TBC1D22A: variants seen among roughly 807,000 people sequenced by gnomAD.
TBC1D22A encodes TBC1 domain family member 22A.
In TBC1D22A, 38 loss-of-function variants were observed where a neutral mutation model predicts 60.2. The ratio of observed to expected loss-of-function variants is 0.63; its 90% CI spans 0.49 to 0.83. The LOEUF (loss-of-function observed/expected upper bound fraction) is 0.83. Among genes scored for constraint, TBC1D22A ranks in the 40% least tolerant of loss-of-function variants. The pLI, the probability that TBC1D22A is intolerant of heterozygous loss-of-function variation, is 0.00. For synonymous variants in TBC1D22A, 302 were observed against 281.7 expected, an observed-to-expected ratio of 1.07 and a Z score of -0.72; for missense variants, 628 against 701.0, an observed-to-expected ratio of 0.90 and a Z score of 1.18.
At position 46,820,124 on chromosome 22, in the gene TBC1D22A, C is replaced by A. The variant is rs1335659923; in HGVS notation, c.637+22504C>A. ...TTTATCGTGTCTCTTTGATTCTTCT[C>A]TCCCTTTTTCTTTATTAGTCCAGCT... On this transcript the variant is annotated intron_variant, in intron 4 of 12. Coordinates refer to ENST00000337137, the MANE Select transcript of TBC1D22A (RefSeq NM_014346.5). Among the ~76,000 whole-genome samples the A allele has an allele frequency of 3.9e-5, 6 of 152,204 alleles. No individual in the cohort carries two copies. In the East Asian group the frequency reaches 1.2e-3, roughly 29 times the overall value.
rs1393791806 is a variant in TBC1D22A at position 46,793,748 on chromosome 22, A to C, written c.367A>C (p.Lys123Gln). Residue 123 changes from lysine (K) to glutamine (Q), a missense_variant, in exon 3 of 13, where the codon AAG (lysine) becomes CAG (glutamine). By Grantham distance (53) the Lys-to-Gln change is moderately conservative. Coordinates refer to ENST00000337137, the MANE Select transcript of TBC1D22A (RefSeq NM_014346.5). ...TLQEGPGLQQ[K>Q]PRPEAEPPSP... is the part of the protein sequence containing the mutation. ...GCAGGAGGGGCCAGGGCTTCAGCAGAAGCCCAGGCCCGAGGCAGAGCCGCC... is the reference window on the plus strand; with the variant it reads ...GCAGGAGGGGCCAGGGCTTCAGCAGCAGCCCAGGCCCGAGGCAGAGCCGCC... The C allele has an allele frequency of 6.2e-7, 1 of 1,605,110 alleles. No individual in the cohort carries two copies. Among genetic ancestry groups the C allele is most frequent in the Non-Finnish European group, 8.5e-7 (1 of 1,177,258 alleles).
chr22:46,840,808 G>A (rs2086725050), intron 4 of TBC1D22A, among the ~76,000 whole-genome samples: 1 of 151,940 alleles, frequency 6.6e-6, no homozygotes, highest in Admixed American at 6.6e-5. Flanking sequence ...TACACCATTG[G>A]TGGGAATGTA....
At chr22:47,032,273 C>T (rs1037776996) in intron 10 of TBC1D22A, among the ~76,000 whole-genome samples, 6 of 152,202 alleles carry the variant, frequency 3.9e-5, no homozygotes, top group South Asian at 2.1e-4. Flanking sequence ...ATGTGTGCCC[C>T]GCACACATCA....
chr22:46,939,450 C>A (rs554457605), intron 8 of TBC1D22A, among the ~76,000 whole-genome samples: 2 of 152,278 alleles, frequency 1.3e-5, no homozygotes, highest in South Asian at 2.1e-4. Flanking sequence ...TGGACCATCC[C>A]CTTTTGTTAA....
chr22:47,077,164 G>T (rs537509783), intron 11 of TBC1D22A, among the ~76,000 whole-genome samples: 1 of 152,190 alleles, frequency 6.6e-6, no homozygotes, highest in South Asian at 2.1e-4. Context: ...GAAGAAGAAG[G>T]GGAGAAAGAG....
At chr22:47,094,113 C>T (rs970106096) in intron 11 of TBC1D22A, among the ~76,000 whole-genome samples, 1 of 152,146 alleles carries the variant, frequency 6.6e-6, no homozygotes, top group African/African-American at 2.4e-5. Flanking sequence ...AGTTTCAGTT[C>T]TTTGATACTT....
chr22:46,915,391 A>C (rs1229531127), intron 8 of TBC1D22A: 2 of 456,680 alleles, frequency 4.4e-6, no homozygotes, highest in South Asian at 3.1e-5. Context: ...CTGTTCCTTC[A>C]GAGAACAGAG....
chr22:46,988,679 A>T (rs1366591896), intron 9 of TBC1D22A, among the ~76,000 whole-genome samples: 1 of 152,232 alleles, frequency 6.6e-6, no homozygotes, highest in Non-Finnish European at 1.5e-5. Flanking sequence ...CTGTAAACAA[A>T]TGTGCTGTCA....
Position 47,017,574 on chromosome 22 carries a change from A to C in TBC1D22A, c.1202-19497A>C, listed in dbSNP as rs146047144. On this transcript the variant is annotated intron_variant, in intron 10 of 12. Transcript: ENST00000337137. ...TGCCCTCCCTCGGATCCTGTGTGCC[A>C]TGGGAATGCCAGGTGGGGAGGGAGT... 5.9e-4 allele frequency among the ~76,000 whole-genome samples: 90 copies of C among 152,254 alleles called. No homozygotes were observed. In the East Asian group the frequency reaches 0.01, roughly 17 times the overall value.
chr22:46,763,031 CAG>C (rs2083156002), intron 1 of TBC1D22A, among the ~76,000 whole-genome samples, 183 bp downstream of exon 1: 1 of 151,902 alleles, frequency 6.6e-6, no homozygotes, highest in African/African-American at 2.4e-5. Context: ...CTGGGGGTGA[CAG>C]TGGCTGCACG....
chr22:47,165,785 G>A (rs77522022), intron 12 of TBC1D22A, among the ~76,000 whole-genome samples: 2,421 of 152,102 alleles, frequency 0.016, 67 homozygotes, highest in African/African-American at 0.056. Context: ...GGTCCTCAGC[G>A]GCCTCCCCAG....
intron 11 of TBC1D22A, among the ~76,000 whole-genome samples, chr22:47,043,702 G>A (rs9615123): frequency 6.6e-6 from 1 of 152,104 alleles, no homozygotes; most frequent in African/African-American, 2.4e-5. Flanking sequence ...TGCAAAGAGG[G>A]TCCTCCCATA....
intron 12 of TBC1D22A, among the ~76,000 whole-genome samples, chr22:47,126,602 C>T (rs776188075): frequency 6.6e-6 from 1 of 152,220 alleles, no homozygotes; most frequent in Non-Finnish European, 1.5e-5. Context: ...CCAATGAGGG[C>T]GGAGGGAGTG....
intron 11 of TBC1D22A, among the ~76,000 whole-genome samples, chr22:47,056,009 T>C (rs1016741604): frequency 3.9e-5 from 6 of 152,152 alleles, no homozygotes; most frequent in African/African-American, 1.4e-4. Flanking sequence ...ATTGGGACTG[T>C]TGGACTGAGC....
chr22:47,073,275 A>G (rs2064076674), intron 11 of TBC1D22A, among the ~76,000 whole-genome samples: 1 of 152,242 alleles, frequency 6.6e-6, no homozygotes, highest in Non-Finnish European at 1.5e-5. Context: ...GGCTGTAGAA[A>G]GCAACTATTG....
intron 8 of TBC1D22A, among the ~76,000 whole-genome samples, chr22:46,941,348 T>C (rs796520992): frequency 1.1e-4 from 10 of 93,506 alleles, no homozygotes; most frequent in South Asian, 3.0e-4. Flanking sequence ...TATATATATA[T>C]AGAATATATA....
At chr22:47,088,288 A>G (rs1452947494) in intron 11 of TBC1D22A, among the ~76,000 whole-genome samples, 1 of 152,152 alleles carries the variant, frequency 6.6e-6, no homozygotes, top group Non-Finnish European at 1.5e-5. Context: ...GAAATGTTTG[A>G]TGCCAGAAAA....
At chr22:46,848,485 C>CA (rs544842832) in intron 4 of TBC1D22A, among the ~76,000 whole-genome samples, 35 of 152,308 alleles carry the variant, frequency 2.3e-4, no homozygotes, top group African/African-American at 8.4e-4. Context: ...GATTTCAGAG[C>CA]AGCCTGTATG....
intron 8 of TBC1D22A, 85 bp downstream of exon 8, chr22:46,912,273 G>A (rs1366245347): frequency 3.1e-6 from 3 of 970,428 alleles, no homozygotes; most frequent in Admixed American, 2.1e-5. Flanking sequence ...ATTGAAAATT[G>A]CTACTAAGTG....
Sources: allele counts gnomAD v4.1 joint callset (sites outside exome capture counted in the v4.1 genomes callset), GRCh38; gene constraint gnomAD v4.1.1; transcripts MANE v1.5; gene names NCBI Gene and HGNC (gene_info 2026-07-23, HGNC 2026-07-21).